GAK: variants seen among roughly 807,000 people sequenced by gnomAD.
GAK encodes the protein cyclin-G-associated kinase.
Under a neutral mutation model 143.9 loss-of-function variants are expected in GAK, and 79 were observed. That is an observed-to-expected ratio of 0.55 (90% CI 0.46 to 0.66). The LOEUF (loss-of-function observed/expected upper bound fraction) is 0.66, where lower values mean the gene tolerates loss of function less well. GAK is among the 30% of genes least tolerant of loss of function. The pLI is 0.00. For synonymous variants in GAK, 881 were observed against 765.5 expected (o/e 1.15, Z -2.49); for missense variants, 1,693 against 1,779.7 (o/e 0.95, Z 0.88).
intron 7 of GAK, 92 bp from the exon 8 acceptor site, chr4:894,101 C>A: frequency 1.5e-6 from 2 of 1,317,758 alleles, no homozygotes; most frequent in Non-Finnish European, 9.8e-7. Context: ...TGCCCAGGCC[C>A]ACGGGGAATG....
At chr4:911,188 C>T (rs1721993658) in intron 4 of GAK, among the ~76,000 whole-genome samples, 1 of 152,184 alleles carries the variant, frequency 6.6e-6, no homozygotes, top group African/African-American at 2.4e-5. Context: ...AGTTGTCCAC[C>T]TCTGCGGCCT....
At chr4:849,854 CT>C (rs754836646) in intron 27 of GAK, 37 bp downstream of exon 27, 46 of 1,508,668 alleles carry the variant, frequency 3.0e-5, no homozygotes, top group Non-Finnish European at 9.9e-6. Context: ...CGCCCCGCCC[CT>C]GAAGGCCTCA....
At chr4:929,269 G>A (rs917649289) in intron 1 of GAK, among the ~76,000 whole-genome samples, 2 of 152,224 alleles carry the variant, frequency 1.3e-5, no homozygotes, top group Non-Finnish European at 2.9e-5. Context: ...CAAGGGCTGC[G>A]GGCTGGCTCA....
chr4:856,637 G>GGTGCTCACAC, intron 24 of GAK, among the ~76,000 whole-genome samples: 1 of 143,428 alleles, frequency 7.0e-6, no homozygotes, highest in Non-Finnish European at 1.5e-5. Flanking sequence ...GCTCACCACA[G>GGTGCTCACAC]CTGCTCACAC....
chr4:928,332 A>G (rs914380148), intron 1 of GAK, among the ~76,000 whole-genome samples: 1 of 152,214 alleles, frequency 6.6e-6, no homozygotes, highest in Non-Finnish European at 1.5e-5. Context: ...TGCTGGGATT[A>G]CAGGCGTGAG....
At chr4:891,252 C>T (rs1717595835) in intron 9 of GAK, among the ~76,000 whole-genome samples, 1 of 151,810 alleles carries the variant, frequency 6.6e-6, no homozygotes, top group South Asian at 2.1e-4. Flanking sequence ...TGAGCCACTG[C>T]ACCCAGGCTT....
intron 1 of GAK, among the ~76,000 whole-genome samples, chr4:919,123 G>A (rs13136476): frequency 2.9e-4 from 24 of 82,206 alleles, no homozygotes; most frequent in East Asian, 3.5e-4. Flanking sequence ...GACCTTAGCA[G>A]GACAGAAGGC....
At chr4:849,833 G>GGGGGC in intron 27 of GAK, 59 bp from the exon 28 acceptor site, 3 of 1,190,140 alleles carry the variant, frequency 2.5e-6, no homozygotes, top group Non-Finnish European at 3.5e-6. Flanking sequence ...GGCGGGGCAG[G>GGGGGC]ACCCCCCCCC....
Position 913,614 on chromosome 4 carries a change from G to A in GAK, c.200C>T (p.Ala67Val). 6.2e-7 allele frequency: 1 copy of A among 1,612,130 alleles called. No homozygotes were observed. The highest frequency in any genetic ancestry group is 8.5e-7 in the Non-Finnish European group (1 of 1,178,280). ...AQDVGSGREY[A>V]LKRLLSNEEE... ...CGTTAAATGGTTCATTACCTTTAAT[G>A]CATACTCTCTGCCACTCCCCACATC... Residue 67 changes from alanine (A) to valine (V), a missense_variant, in exon 2 of 28, where the codon GCA becomes GTA. Ala to Val is a moderately conservative substitution (Grantham distance 64). Around this residue, in one of 2 missense-constraint regions of GAK, gnomAD observed 871 missense variants for 991.0 expected, o/e 0.88. Transcript: ENST00000314167.
chr4:918,541 C>T (rs1044377551), intron 1 of GAK, among the ~76,000 whole-genome samples: 2 of 152,240 alleles, frequency 1.3e-5, no homozygotes. Context: ...CTGAAAAATG[C>T]CCCAAAACTG....
chr4:877,592 C>T (rs558626581), intron 16 of GAK, 23 bp downstream of exon 16: 15 of 1,552,132 alleles, frequency 9.7e-6, no homozygotes, highest in African/African-American at 5.4e-5. Context: ...GGGAGCACAG[C>T]GTGGGGCTGC....
chr4:854,296 T>A (rs1380856098), intron 24 of GAK, among the ~76,000 whole-genome samples: 1 of 152,074 alleles, frequency 6.6e-6, no homozygotes, highest in Non-Finnish European at 1.5e-5. Context: ...TTGCTTTCAG[T>A]TTGTTTTTGA....
chr4:920,606 C>T (rs1308860975), intron 1 of GAK, among the ~76,000 whole-genome samples: 1 of 142,228 alleles, frequency 7.0e-6, no homozygotes, highest in African/African-American at 2.6e-5. Flanking sequence ...TGCAGAGGCA[C>T]AATCCCGGCT....
Position 911,807 on chromosome 4 carries a change from G to A in GAK, c.268-20C>T. The A allele has an allele frequency of 1.3e-6, 2 of 1,572,724 alleles. No homozygotes were observed. The highest frequency in any genetic ancestry group is 2.2e-5 in the South Asian group (2 of 90,186). On this transcript the variant is annotated intron_variant, in intron 3 of 27. Coordinates refer to ENST00000314167, the MANE Select transcript of GAK (RefSeq NM_005255.4). Reference sequence around the variant, plus strand: ...CTTTTTCTGCAGTTGTCTTGTTAAAGGAGAACGTACATAACCATGTCCACA... The same window carrying A: ...CTTTTTCTGCAGTTGTCTTGTTAAAAGAGAACGTACATAACCATGTCCACA...
At chr4:883,526 GC>G in intron 12 of GAK, 63 bp from the exon 13 acceptor site, 1 of 1,580,774 alleles carries the variant, frequency 6.3e-7, no homozygotes, top group Non-Finnish European at 8.6e-7. Flanking sequence ...GGCTGCTGCT[GC>G]GGCCTCGCTG....
chr4:869,826 A>G (rs547490988), intron 19 of GAK: 2 of 149,446 alleles, frequency 1.3e-5, no homozygotes, highest in East Asian at 4.1e-4. Flanking sequence ...ACACAGGCAC[A>G]GTACACATGA....
At chr4:890,457 A>G in intron 10 of GAK, 75 bp downstream of exon 10, 1 of 1,148,432 alleles carries the variant, frequency 8.7e-7, no homozygotes, top group Non-Finnish European at 1.2e-6. Flanking sequence ...CCCAGACTCC[A>G]TCCCAATGTG....
Position 882,736 on chromosome 4 carries a change from C to T in GAK, c.1488G>A (p.Leu496=). 1 of 1,612,792 alleles carries T rather than the reference C, an allele frequency of 6.2e-7. No individual in the cohort carries two copies. The highest frequency in any genetic ancestry group is 8.5e-7 in the Non-Finnish European group (1 of 1,179,980). Residue 496 remains leucine (L), a synonymous_variant, in exon 14 of 28, where the codon CTG becomes CTA. Coordinates refer to ENST00000314167, the MANE Select transcript of GAK (RefSeq NM_005255.4). ...YNICRNMHAW[L]RQDHKNVCVV... The stretch of plus-strand genomic sequence containing the variant: ...CGCAGACGTTCTTGTGGTCCTGCCG[C>T]AGCCAGGCGTGCATGTTCCTGCAGA...
In GAK at chr4:859,009, C is replaced by A. The variant is rs1283498849; in HGVS notation, c.3283+597G>T. Among the ~76,000 whole-genome samples the A allele has an allele frequency of 2.6e-5, 4 of 152,354 alleles. No individual in the cohort carries two copies. In the East Asian group the frequency reaches 7.7e-4, roughly 29 times the overall value. ...AGGGAGGCCCCTTCAGATGATCATC[C>A]CCCCGCCGCCGACGCTTCTTCTGAG... is the stretch of plus-strand genomic sequence containing the variant. On this transcript the variant is annotated intron_variant, in intron 24 of 27. Coordinates refer to ENST00000314167, the MANE Select transcript of GAK (RefSeq NM_005255.4).
Sources: allele counts gnomAD v4.1 joint callset (sites outside exome capture counted in the v4.1 genomes callset), GRCh38; gene constraint gnomAD v4.1.1; regional missense constraint gnomAD v4.1.1; transcripts MANE v1.5; gene names NCBI Gene and HGNC (gene_info 2026-07-23, HGNC 2026-07-21).